MAPK10: variants seen among roughly 807,000 people sequenced by gnomAD.
The protein encoded by MAPK10 is mitogen-activated protein kinase 10.
In MAPK10, 25 loss-of-function variants were observed where a neutral mutation model predicts 59.3. The ratio of observed to expected loss-of-function variants is 0.42; its 90% CI spans 0.31 to 0.59. MAPK10 has a LOEUF of 0.59. Ranked by LOEUF, MAPK10 falls within the 20% of genes least tolerant of loss-of-function variation. The pLI is 0.15. For missense variants in MAPK10, 351 were observed against 568.9 expected (o/e 0.62, Z 3.90); for synonymous variants, 190 against 200.5 (o/e 0.95, Z 0.44).
chr4:86,585,014 A>C (rs747461975), intron 1 of MAPK10, among the ~76,000 whole-genome samples: 2 of 152,200 alleles, frequency 1.3e-5, no homozygotes, highest in African/African-American at 2.4e-5. Context: ...GCTGCTATTG[A>C]GAAGACTTTC....
intron 1 of MAPK10, among the ~76,000 whole-genome samples, chr4:86,527,178 G>C (rs535855576): frequency 6.6e-6 from 1 of 151,846 alleles, no homozygotes; most frequent in East Asian, 1.9e-4. Flanking sequence ...GCCAGGCATT[G>C]TGGCACAACT....
intron 4 of MAPK10, among the ~76,000 whole-genome samples, chr4:86,138,904 C>A (rs1456477915): frequency 6.6e-6 from 1 of 151,108 alleles, no homozygotes; most frequent in Non-Finnish European, 1.5e-5. Context: ...AGACAAACAG[C>A]CAAATAATGA....
At chr4:86,529,357 C>A (rs1056085179) in intron 1 of MAPK10, among the ~76,000 whole-genome samples, 2 of 152,162 alleles carry the variant, frequency 1.3e-5, no homozygotes, top group African/African-American at 4.8e-5. Flanking sequence ...CTCAAGTCTG[C>A]AGGCATGTGA....
At chr4:86,465,164 T>C (rs988276856) in intron 1 of MAPK10, among the ~76,000 whole-genome samples, 2 of 152,242 alleles carry the variant, frequency 1.3e-5, no homozygotes, top group African/African-American at 2.4e-5. Flanking sequence ...GACTAGCTTA[T>C]GTACATGTAT....
chr4:86,517,269 CTT>C (rs1176457005), intron 1 of MAPK10, among the ~76,000 whole-genome samples: 109 of 84,246 alleles, frequency 1.3e-3, no homozygotes, highest in Middle Eastern at 0.02. Flanking sequence ...GGTGTATTAT[CTT>C]TTTTTTTTTT....
At chr4:86,478,017 C>T (rs1024471771) in intron 1 of MAPK10, among the ~76,000 whole-genome samples, 2 of 152,116 alleles carry the variant, frequency 1.3e-5, no homozygotes, top group African/African-American at 2.4e-5. Flanking sequence ...TTACCTATCT[C>T]GGCATAATTA....
At chr4:86,426,245 T>G (rs1348990997) in intron 1 of MAPK10, among the ~76,000 whole-genome samples, 1 of 152,230 alleles carries the variant, frequency 6.6e-6, no homozygotes, top group African/African-American at 2.4e-5. Flanking sequence ...TTATTTTTAT[T>G]ATAATCTTTA....
At chr4:86,293,281 C>T in intron 2 of MAPK10, among the ~76,000 whole-genome samples, 1 of 152,234 alleles carries the variant, frequency 6.6e-6, no homozygotes. Flanking sequence ...CTTAGGTATT[C>T]ACAGTACTTT....
chr4:86,286,205 C>T (rs1008842127), intron 2 of MAPK10, among the ~76,000 whole-genome samples: 4 of 152,116 alleles, frequency 2.6e-5, no homozygotes, highest in Non-Finnish European at 4.4e-5. Context: ...ATTTGCAATC[C>T]TTGGCCTACA....
intron 2 of MAPK10, among the ~76,000 whole-genome samples, chr4:86,305,811 C>A (rs1412441444): frequency 2.8e-5 from 4 of 140,402 alleles, no homozygotes; most frequent in African/African-American, 1.0e-4. Context: ...AAGAGGGAGA[C>A]TCCATCTCCA....
intron 2 of MAPK10, among the ~76,000 whole-genome samples, chr4:86,256,842 G>A (rs897899460): frequency 2.8e-5 from 4 of 144,134 alleles, no homozygotes; most frequent in African/African-American, 1.0e-4. Context: ...CCGGGTTCAC[G>A]CCATTCTCCT....
chr4:86,432,200 G>A (rs989342711), intron 1 of MAPK10, among the ~76,000 whole-genome samples: 2 of 152,090 alleles, frequency 1.3e-5, no homozygotes, highest in Non-Finnish European at 2.9e-5. Flanking sequence ...AGGTTTTTCT[G>A]GGGTCCCCTG....
intron 2 of MAPK10, among the ~76,000 whole-genome samples, chr4:86,341,761 G>C (rs931746142): frequency 6.7e-6 from 1 of 149,276 alleles, no homozygotes; most frequent in African/African-American, 2.5e-5. Flanking sequence ...AATGGTAAAG[G>C]ACCCCGATTA....
At chr4:86,379,332 A>C (rs1740317170) in intron 1 of MAPK10, among the ~76,000 whole-genome samples, 1 of 152,220 alleles carries the variant, frequency 6.6e-6, no homozygotes, top group Admixed American at 6.5e-5. Flanking sequence ...CCTAAAAGGG[A>C]ACACAAAAAC....
intron 1 of MAPK10, among the ~76,000 whole-genome samples, chr4:86,411,960 T>C (rs1745232557): frequency 6.6e-6 from 1 of 152,232 alleles, no homozygotes; most frequent in Non-Finnish European, 1.5e-5. Context: ...AGCTGGTTAT[T>C]TTGTCCATTA....
chr4:86,377,714 T>C (rs1740038352), intron 1 of MAPK10, among the ~76,000 whole-genome samples: 1 of 152,200 alleles, frequency 6.6e-6, no homozygotes, highest in Admixed American at 6.5e-5. Flanking sequence ...GCTTGTGCTC[T>C]TCCTCCTCTA....
At chr4:86,507,669 T>TATATATATAA (rs1755898667) in intron 1 of MAPK10, among the ~76,000 whole-genome samples, 1 of 105,042 alleles carries the variant, frequency 9.5e-6, no homozygotes, top group African/African-American at 3.8e-5. Context: ...TATATATATA[T>TATATATATAA]ATAAAATCAT....
At chr4:86,034,408 A>G (rs1434437058) in intron 11 of MAPK10, among the ~76,000 whole-genome samples, 3 of 152,220 alleles carry the variant, frequency 2.0e-5, no homozygotes, top group African/African-American at 7.2e-5. Flanking sequence ...TTGGTGGTCA[A>G]TTATATGAAT....
In MAPK10 at chr4:86,580,034, A is replaced by G. The variant is rs150012056; in HGVS notation, c.-263+13876T>C. On this transcript the variant is annotated intron_variant, in intron 1 of 4. Coordinates refer to the MAPK10 transcript ENST00000502302. ...TGCTGTGTTGCCCAGGTTGCTCTTG[A>G]ACTCTGGATTTCAAGTGATCCTCCT... Among the ~76,000 whole-genome samples, 90 of 151,972 alleles carry G rather than the reference A, an allele frequency of 5.9e-4. 1 individual carries two copies. Among genetic ancestry groups the G allele is most frequent in the African/African-American group, 2.1e-3 (85 of 41,454 alleles).
Sources: gnomAD v4.1 joint callset for allele counts (sites outside exome capture counted in the v4.1 genomes callset) on GRCh38, gnomAD v4.1.1 for gene constraint, MANE v1.5 for transcripts, NCBI Gene and HGNC (gene_info 2026-07-23, HGNC 2026-07-21) for gene names.